MDFIC: variants seen among roughly 807,000 people sequenced by gnomAD.
MDFIC encodes MyoD family inhibitor domain containing, also known as myoD family inhibitor domain-containing protein.
MDFIC carries 17 observed loss-of-function variants against 23.2 expected under a neutral mutation model. The observed-to-expected ratio is 0.73, with a 90% confidence interval of 0.50 to 1.10. The LOEUF (loss-of-function observed/expected upper bound fraction) is 1.10. Among genes scored for constraint, MDFIC ranks in the 50% least tolerant of loss-of-function variants. The probability of loss-of-function intolerance (pLI) is 0.00; values close to 1 mark genes in which losing one functional copy is unlikely to be tolerated. For missense variants in MDFIC, 356 were observed against 316.6 expected (o/e 1.12, Z -0.95); for synonymous variants, 120 against 115.2 (o/e 1.04, Z -0.27).
intron 2 of MDFIC, among the ~76,000 whole-genome samples, chr7:114,934,721 A>G (rs1352082322): frequency 6.6e-6 from 1 of 152,226 alleles, no homozygotes; most frequent in Non-Finnish European, 1.5e-5. Context: ...TTTACTCAAC[A>G]AACATTTATA....
intron 2 of MDFIC, among the ~76,000 whole-genome samples, chr7:114,936,181 A>G (rs1399505040): frequency 6.6e-6 from 1 of 152,152 alleles, no homozygotes; most frequent in Non-Finnish European, 1.5e-5. Context: ...TTGCTTTTAA[A>G]CACTTCTCTA....
intron 3 of MDFIC, among the ~76,000 whole-genome samples, chr7:114,945,566 A>G (rs1477975902): frequency 6.6e-6 from 1 of 152,198 alleles, no homozygotes; most frequent in Non-Finnish European, 1.5e-5. Context: ...TTGAATTGCT[A>G]ACATATTACA....
intron 3 of MDFIC, among the ~76,000 whole-genome samples, chr7:114,972,484 T>C (rs1344273304): frequency 1.3e-5 from 2 of 152,158 alleles, no homozygotes; most frequent in Non-Finnish European, 2.9e-5. Flanking sequence ...GGATGGAAAT[T>C]TGAGGAAATT....
At chr7:114,932,454 C>G (rs1792330096) in intron 2 of MDFIC, among the ~76,000 whole-genome samples, 2 of 152,252 alleles carry the variant, frequency 1.3e-5, no homozygotes, top group South Asian at 4.1e-4. Flanking sequence ...AGCTAAGACA[C>G]AGACAACAGT....
chr7:114,935,818 A>G (rs567851754), intron 2 of MDFIC, among the ~76,000 whole-genome samples: 7 of 152,130 alleles, frequency 4.6e-5, no homozygotes, highest in African/African-American at 7.2e-5. Flanking sequence ...CTCAGAGGAA[A>G]CAATACTTTT....
intron 3 of MDFIC, 23 bp downstream of exon 3, chr7:114,942,420 TTGAG>T: frequency 2.6e-6 from 4 of 1,551,746 alleles, no homozygotes; most frequent in Non-Finnish European, 3.5e-6. Flanking sequence ...AGAAAAAACT[TTGAG>T]TGATTTTGGG....
chr7:114,989,398 G>T (rs1793566499), intron 4 of MDFIC, among the ~76,000 whole-genome samples: 1 of 152,092 alleles, frequency 6.6e-6, no homozygotes, highest in South Asian at 2.1e-4. Context: ...CCAAAATTCA[G>T]GGCAGAAGTG....
chr7:114,946,758 C>T (rs764453384), intron 3 of MDFIC, among the ~76,000 whole-genome samples: 4 of 152,210 alleles, frequency 2.6e-5, no homozygotes, highest in African/African-American at 4.8e-5. Flanking sequence ...ATGGAGCTGC[C>T]GTATCATGCC....
intron 4 of MDFIC, among the ~76,000 whole-genome samples, chr7:114,990,225 A>C (rs186638950): frequency 6.6e-6 from 1 of 152,326 alleles, no homozygotes; most frequent in Non-Finnish European, 1.5e-5. Flanking sequence ...TAATTGTGAT[A>C]ATCTTTTACA....
intron 4 of MDFIC, among the ~76,000 whole-genome samples, chr7:114,997,009 T>C (rs542520989): frequency 1.3e-5 from 2 of 152,234 alleles, no homozygotes; most frequent in East Asian, 3.9e-4. Context: ...GAGGGAGTGA[T>C]CATGTGTCAA....
At chr7:114,927,044 G>T (rs1792205831) in intron 2 of MDFIC, among the ~76,000 whole-genome samples, 1 of 152,112 alleles carries the variant, frequency 6.6e-6, no homozygotes, top group Non-Finnish European at 1.5e-5. Context: ...AGTGAGTGGA[G>T]ATCAGGGACA....
intron 3 of MDFIC, among the ~76,000 whole-genome samples, chr7:114,950,408 G>T (rs1169225196): frequency 1.3e-5 from 2 of 152,120 alleles, no homozygotes; most frequent in Non-Finnish European, 2.9e-5. Flanking sequence ...ATGATTTGTG[G>T]ATATTGTCCA....
chr7:114,966,372 A>G (rs1793096153), intron 3 of MDFIC, among the ~76,000 whole-genome samples: 1 of 146,388 alleles, frequency 6.8e-6, no homozygotes, highest in African/African-American at 2.5e-5. Context: ...GTCTGTGTTC[A>G]TTGTGCTCAC....
At chr7:114,992,985 CT>C (rs746640765) in intron 4 of MDFIC, among the ~76,000 whole-genome samples, 1 of 152,066 alleles carries the variant, frequency 6.6e-6, no homozygotes, top group African/African-American at 2.4e-5. Flanking sequence ...TGGTCCTGGA[CT>C]TTTTTTGGCT....
In MDFIC at chr7:114,958,776, TAACA is replaced by T. The variant is rs905597703; in HGVS notation, c.217+16398_217+16401del. Among the ~76,000 whole-genome samples the T allele has an allele frequency of 2.6e-4, 39 of 152,026 alleles. 1 individual carries two copies. The East Asian group carries it at 3.9e-3, about 15-fold the overall frequency. On this transcript the variant is annotated intron_variant, in intron 3 of 4. Coordinates refer to ENST00000393486, the MANE Select transcript of MDFIC (RefSeq NM_001166345.3). ...CAAGAAAACAACAACAACAACAAAA[TAACA>T]AACAAACAAACAAACAAATGATTTT...
intron 4 of MDFIC, among the ~76,000 whole-genome samples, chr7:114,990,338 C>T (rs1370214664): frequency 4.5e-4 from 68 of 151,820 alleles, no homozygotes; most frequent in Admixed American, 4.5e-3. Context: ...ATCCTGTTAG[C>T]ACTGTGTTAT....
At chr7:114,986,545 T>G (rs1011476583) in intron 4 of MDFIC, among the ~76,000 whole-genome samples, 1 of 152,238 alleles carries the variant, frequency 6.6e-6, no homozygotes, top group Non-Finnish European at 1.5e-5. Context: ...TTTCACCATC[T>G]GCAAACTCCA....
rs997922405 is a variant in MDFIC at position 115,014,921 on chromosome 7, A to G, written c.494-767A>G. Among the ~76,000 whole-genome samples the G allele has an allele frequency of 3.3e-5, 5 of 152,290 alleles. No homozygotes were observed. In the South Asian group the frequency reaches 1.0e-3, roughly 32 times the overall value. On this transcript the variant is annotated intron_variant, in intron 4 of 4. Transcript: ENST00000393486. ...ACATTGTTGTTTAGAGAGGCATTACATTATTAGAGATGTGTCAGGAGATAA... is the reference window on the plus strand; with the variant it reads ...ACATTGTTGTTTAGAGAGGCATTACGTTATTAGAGATGTGTCAGGAGATAA...
At chr7:115,003,581 A>T (rs1791507350) in intron 4 of MDFIC, among the ~76,000 whole-genome samples, 1 of 152,012 alleles carries the variant, frequency 6.6e-6, no homozygotes, top group Non-Finnish European at 1.5e-5. Flanking sequence ...CTGGCACTAT[A>T]TTATCACTGC....
Sources: allele counts gnomAD v4.1 joint callset (sites outside exome capture counted in the v4.1 genomes callset), GRCh38; gene constraint gnomAD v4.1.1; transcripts MANE v1.5; gene names NCBI Gene and HGNC (gene_info 2026-07-23, HGNC 2026-07-21).